PREX1: variants seen among roughly 807,000 people sequenced by gnomAD.
PREX1 encodes phosphatidylinositol 3,4,5-trisphosphate-dependent Rac exchanger 1 protein.
Under a neutral mutation model 198.3 loss-of-function variants are expected in PREX1, and 41 were observed. That is an observed-to-expected ratio of 0.21 (90% CI 0.16 to 0.27). The LOEUF (loss-of-function observed/expected upper bound fraction) is 0.27. Among genes scored for constraint, PREX1 ranks in the 10% least tolerant of loss-of-function variants. The pLI, the probability that PREX1 is intolerant of heterozygous loss-of-function variation, is 1.00. For missense variants in PREX1, 1,620 were observed against 2,200.7 expected, an observed-to-expected ratio of 0.74 and a Z score of 5.28; for synonymous variants, 843 against 887.2, an observed-to-expected ratio of 0.95 and a Z score of 0.89.
At chr20:48,653,745 T>A (rs562713164) in intron 19 of PREX1, among the ~76,000 whole-genome samples, 2 of 152,328 alleles carry the variant, frequency 1.3e-5, no homozygotes, top group Non-Finnish European at 1.5e-5. Flanking sequence ...GCAAACGGGA[T>A]CCGATTCAGG....
At chr20:48,652,510 C>A in intron 21 of PREX1, 76 bp downstream of exon 21, 2 of 1,491,388 alleles carry the variant, frequency 1.3e-6, no homozygotes, top group South Asian at 2.7e-5. Context: ...GGGGAGGGGA[C>A]AACAGGAGAG....
upstream of PREX1, among the ~76,000 whole-genome samples, chr20:48,832,008 C>T (rs545657605): frequency 1.1e-4 from 16 of 152,066 alleles, no homozygotes; most frequent in African/African-American, 3.6e-4. Context: ...ATCACCCGTC[C>T]GGAATATCTA....
Position 48,714,530 on chromosome 20 carries a change from T to A in PREX1, c.622-6109A>T, listed in dbSNP as rs1419839611. ...AGATGAAAAGATGTTCAACATCATG[T>A]GGGAAAATGCAAAACAAAACCAAAA... On this transcript the variant is annotated intron_variant, in intron 5 of 39. Transcript: ENST00000371941. Among the ~76,000 whole-genome samples, 2 of 152,184 alleles carry A rather than the reference T, an allele frequency of 1.3e-5. 1 individual carries two copies.
At position 48,692,697 on chromosome 20, in the gene PREX1, C is replaced by T. The variant is rs1267888616; in HGVS notation, c.1011G>A (p.Glu337=). 1 of 1,614,130 alleles carries T rather than the reference C, an allele frequency of 6.2e-7. No homozygotes were observed. Among genetic ancestry groups the T allele is most frequent in the South Asian group, 1.1e-5 (1 of 91,062 alleles). The change falls in exon 8 of 40, where the codon GAG becomes GAA. Residue 337 remains glutamate (E), a synonymous_variant. Transcript: ENST00000371941. ...FRGRINTEVM[E]VENVEDGTAD... is the part of the protein sequence containing the mutation. ...CTGTCCCATCTTCCACATTCTCCAC[C>T]TCCATGACTTCAGTGTTGATTCGAC... is the stretch of plus-strand genomic sequence containing the variant.
chr20:48,701,222 T>C (rs1283334446), intron 6 of PREX1, among the ~76,000 whole-genome samples: 1 of 152,138 alleles, frequency 6.6e-6, no homozygotes, highest in East Asian at 1.9e-4. Flanking sequence ...TTTTTGGGTT[T>C]ATTTTTTTTA....
At chr20:48,834,618 G>A in the PREX1 span, among the ~76,000 whole-genome samples, 26 of 151,942 alleles carry the variant, frequency 1.7e-4, no homozygotes, top group African/African-American at 6.3e-4. Context: ...AGAGTGCAGT[G>A]GCACAATCAC....
intron 10 of PREX1, among the ~76,000 whole-genome samples, chr20:48,683,683 G>A (rs532756855): frequency 6.6e-6 from 1 of 152,336 alleles, no homozygotes; most frequent in South Asian, 2.1e-4. Context: ...CATTATGTTA[G>A]AAGACGAACG....
At chr20:48,627,729 T>TG in intron 38 of PREX1, 114 bp from the exon 39 acceptor site, 2 of 1,414,346 alleles carry the variant, frequency 1.4e-6, no homozygotes, top group Non-Finnish European at 2.0e-6. Context: ...CTAAGATCCT[T>TG]GCTCCCCTCC....
chr20:48,768,558 G>A (rs1469993270), intron 1 of PREX1, among the ~76,000 whole-genome samples: 4 of 152,164 alleles, frequency 2.6e-5, no homozygotes, highest in Non-Finnish European at 4.4e-5. Flanking sequence ...ACTTTGGGAG[G>A]CAGAGGCGGC....
intron 14 of PREX1, among the ~76,000 whole-genome samples, chr20:48,669,849 A>G (rs1601062737): frequency 1.3e-5 from 2 of 152,188 alleles, no homozygotes; most frequent in African/African-American, 4.8e-5. Flanking sequence ...TGGAGAAGGC[A>G]AAGTGGGGTG....
At chr20:48,755,035 C>T (rs1033132295) in intron 1 of PREX1, among the ~76,000 whole-genome samples, 2 of 152,110 alleles carry the variant, frequency 1.3e-5, no homozygotes, top group Admixed American at 6.5e-5. Flanking sequence ...TGGCATGAAG[C>T]TTTACCTTCA....
chr20:48,660,504 T>C (rs1161823986), intron 15 of PREX1, among the ~76,000 whole-genome samples: 1 of 152,186 alleles, frequency 6.6e-6, no homozygotes, highest in African/African-American at 2.4e-5. Flanking sequence ...ATTGAATCCC[T>C]ACCTCACACC....
At chr20:48,772,814 A>G (rs2090243035) in intron 1 of PREX1, among the ~76,000 whole-genome samples, 1 of 152,208 alleles carries the variant, frequency 6.6e-6, no homozygotes, top group South Asian at 2.1e-4. Flanking sequence ...AAGTGTACTC[A>G]GGGACCACAT....
At chr20:48,629,371 C>T (rs2089296290) in intron 37 of PREX1, 78 bp downstream of exon 37, 2 of 1,539,782 alleles carry the variant, frequency 1.3e-6, no homozygotes, top group African/African-American at 1.4e-5. Context: ...CTTCCTGCCT[C>T]CTTGCCACAG....
In PREX1 at chr20:48,791,499, A is replaced by G. The variant is rs917903260; in HGVS notation, c.219+36143T>C. On this transcript the variant is annotated intron_variant, in intron 1 of 39. Coordinates refer to ENST00000371941, the MANE Select transcript of PREX1 (RefSeq NM_020820.4). ...GACTACAGAATAAGCACCCAATATGAGCAAGTCTCGTTTTATGACCCTGGG... is the reference window on the plus strand; with the variant it reads ...GACTACAGAATAAGCACCCAATATGGGCAAGTCTCGTTTTATGACCCTGGG... 5.9e-5 allele frequency among the ~76,000 whole-genome samples: 9 copies of G among 152,294 alleles called. No individual in the cohort carries two copies. In the East Asian group the frequency reaches 1.5e-3, roughly 26 times the overall value.
intron 1 of PREX1, among the ~76,000 whole-genome samples, chr20:48,793,037 T>G (rs2090345620): frequency 6.6e-6 from 1 of 152,024 alleles, no homozygotes; most frequent in African/African-American, 2.4e-5. Context: ...ATACCCCATA[T>G]CTACTAAAAA....
chr20:48,861,533 C>T, the PREX1 span, among the ~76,000 whole-genome samples: 1 of 152,218 alleles, frequency 6.6e-6, no homozygotes, highest in Non-Finnish European at 1.5e-5. Flanking sequence ...CTGCCACAGG[C>T]ACAAAACTTC....
intron 1 of PREX1, among the ~76,000 whole-genome samples, chr20:48,773,975 C>G (rs544194140): frequency 7.6e-4 from 115 of 152,182 alleles, no homozygotes; most frequent in African/African-American, 2.4e-3. Context: ...AGAGGTATTC[C>G]AAGACAGAGC....
intron 1 of PREX1, among the ~76,000 whole-genome samples, chr20:48,792,619 T>C (rs1436316688): frequency 6.6e-6 from 1 of 152,084 alleles, no homozygotes; most frequent in Non-Finnish European, 1.5e-5. Context: ...ACTATCTCCA[T>C]ACAAAAACTT....
Sources: allele counts gnomAD v4.1 joint callset (sites outside exome capture counted in the v4.1 genomes callset), GRCh38; gene constraint gnomAD v4.1.1; transcripts MANE v1.5; gene names NCBI Gene and HGNC (gene_info 2026-07-23, HGNC 2026-07-21).